Variants in UBE2D2 observed in about 807,000 individuals in gnomAD.
The protein encoded by UBE2D2 is ubiquitin-conjugating enzyme E2 D2.
In UBE2D2, 2 loss-of-function variants were observed where a neutral mutation model predicts 24.2. That is an observed-to-expected ratio of 0.08 (90% CI 0.03 to 0.26). The LOEUF is 0.26. Among genes scored for constraint, UBE2D2 ranks in the 10% least tolerant of loss-of-function variants. The pLI is 1.00. For missense variants in UBE2D2, 44 were observed against 177.6 expected, an observed-to-expected ratio of 0.25 and a Z score of 4.28; for synonymous variants, 58 against 56.5, an observed-to-expected ratio of 1.03 and a Z score of -0.12.
upstream of UBE2D2, among the ~76,000 whole-genome samples, chr5:139,559,261 C>G (rs1033256918): frequency 1.3e-5 from 2 of 152,064 alleles, no homozygotes; most frequent in African/African-American, 4.8e-5. Context: ...CCCGTTTCTA[C>G]TAAAAATACA....
At chr5:139,582,266 ATT>A (rs112910161) in intron 1 of UBE2D2, among the ~76,000 whole-genome samples, 5 of 139,490 alleles carry the variant, frequency 3.6e-5, no homozygotes, top group Non-Finnish European at 6.3e-5. Flanking sequence ...GCCTTACACA[ATT>A]TTTTTTTTTT....
At chr5:139,602,088 G>A (rs147864453) in intron 2 of UBE2D2, among the ~76,000 whole-genome samples, 2,125 of 152,136 alleles carry the variant, frequency 0.014, 27 homozygotes, top group Middle Eastern at 0.054. Context: ...GTCTCACTCT[G>A]TTGCCCGTGC....
chr5:139,622,717 C>T (rs557460677), intron 5 of UBE2D2, among the ~76,000 whole-genome samples: 2 of 142,344 alleles, frequency 1.4e-5, no homozygotes, highest in South Asian at 2.3e-4. Flanking sequence ...GTGAAACCCC[C>T]GTCTCTACTA....
upstream of UBE2D2, among the ~76,000 whole-genome samples, chr5:139,558,489 C>T (rs557542468): frequency 6.6e-6 from 1 of 152,114 alleles, no homozygotes; most frequent in Admixed American, 6.5e-5. Flanking sequence ...GGGGTTTCAC[C>T]GTGTTAGCCT....
rs1306813620 is a variant in UBE2D2, at chr5:139,561,568, C to T, written c.-224C>T. ...GCGGCGGTGGCGGCTAGGGCGGCGG[C>T]GAATAAAGGGGCCGCCGCCGGGTGA... On this transcript the variant is annotated 5_prime_UTR_variant, in exon 1 of 7. Coordinates refer to ENST00000398733, the MANE Select transcript of UBE2D2 (RefSeq NM_003339.3). 7.1e-6 allele frequency: 3 copies of T among 421,822 alleles called. No individual in the cohort carries two copies. The highest frequency in any genetic ancestry group is 4.1e-5 in the African/African-American group (2 of 48,516). The allele number at this position is 421,822 out of a possible 1,614,324, so 26.1% of individuals were successfully genotyped here.
At chr5:139,538,446 G>T (rs571159218) in intron 1 of UBE2D2, among the ~76,000 whole-genome samples, 15 of 152,264 alleles carry the variant, frequency 9.9e-5, no homozygotes, top group East Asian at 5.8e-4. Flanking sequence ...AAAAAGGAAA[G>T]AAATTCTACA....
intron 1 of UBE2D2, among the ~76,000 whole-genome samples, chr5:139,579,106 T>C: frequency 6.6e-6 from 1 of 152,274 alleles, no homozygotes; most frequent in East Asian, 1.9e-4. Context: ...TAGCTTGAAT[T>C]ACAGGTGTGT....
intron 1 of UBE2D2, among the ~76,000 whole-genome samples, chr5:139,532,516 T>A (rs1752609915): frequency 6.6e-6 from 1 of 152,068 alleles, no homozygotes; most frequent in Non-Finnish European, 1.5e-5. Context: ...CACACCCGGC[T>A]AATTTTTTGT....
intron 1 of UBE2D2, among the ~76,000 whole-genome samples, chr5:139,546,817 T>TCTTTCTTTCTTTCTTTCTTC (rs1203962652): frequency 1.6e-4 from 22 of 138,408 alleles, no homozygotes; most frequent in Non-Finnish European, 2.3e-4. Flanking sequence ...CTTCTTTCTT[T>TCTTTCTTTCTTTCTTTCTTC]CTTCCTTCCT....
At chr5:139,555,372 C>T (rs1355944154) in intron 1 of UBE2D2, among the ~76,000 whole-genome samples, 1 of 151,566 alleles carries the variant, frequency 6.6e-6, no homozygotes, top group Non-Finnish European at 1.5e-5. Flanking sequence ...TTAATGAATT[C>T]CAAATAATTT....
In UBE2D2 at chr5:139,570,806, G is replaced by A. The variant is rs1753339000; in HGVS notation, c.24+8991G>A. ...GACCTCAAGTGATCCACCTGCCTTGGCCTCCCAAAGTGTTGGGATTACAGG... is the reference window on the plus strand; with the variant it reads ...GACCTCAAGTGATCCACCTGCCTTGACCTCCCAAAGTGTTGGGATTACAGG... On this transcript the variant is annotated intron_variant, in intron 1 of 6. Transcript: ENST00000398733. Among the ~76,000 whole-genome samples, 3 of 152,158 alleles carry A rather than the reference G, an allele frequency of 2.0e-5. No individual in the cohort carries two copies. In the South Asian group the frequency reaches 6.2e-4, roughly 32 times the overall value.
intron 1 of UBE2D2, among the ~76,000 whole-genome samples, chr5:139,563,252 CAA>C (rs1221653271): frequency 6.6e-6 from 1 of 152,120 alleles, no homozygotes; most frequent in Non-Finnish European, 1.5e-5. Flanking sequence ...CATTTTTGCT[CAA>C]AGACAGTGTG....
intron 5 of UBE2D2, among the ~76,000 whole-genome samples, chr5:139,621,211 C>T (rs925319320): frequency 6.6e-6 from 1 of 152,186 alleles, no homozygotes; most frequent in Non-Finnish European, 1.5e-5. Context: ...CCACTGCACT[C>T]CAGCCTGGGC....
chr5:139,577,811 C>G (rs1753511787), intron 1 of UBE2D2, among the ~76,000 whole-genome samples: 2 of 152,150 alleles, frequency 1.3e-5, no homozygotes. Context: ...ATTCATCTCC[C>G]CCCACCACCA....
At chr5:139,622,966 G>A (rs987613541) in intron 5 of UBE2D2, among the ~76,000 whole-genome samples, 3 of 152,088 alleles carry the variant, frequency 2.0e-5, no homozygotes, top group African/African-American at 7.2e-5. Flanking sequence ...CACTTTGGGA[G>A]GCCGAGGCGG....
Position 139,615,814 on chromosome 5 carries a change from G to A in UBE2D2, c.304+848G>A, listed in dbSNP as rs1278767410. ...TATTCCCAGATGAAATCACAGTTGC[G>A]TTACAATAATCTAGATTTTTTTTTT... On this transcript the variant is annotated intron_variant, in intron 5 of 6. Transcript: ENST00000398733. Among the ~76,000 whole-genome samples the A allele has an allele frequency of 4.8e-5, 7 of 146,960 alleles. No homozygotes were observed. In the East Asian group the frequency reaches 9.9e-4, roughly 21 times the overall value.
At chr5:139,607,033 T>G (rs957762321) in intron 2 of UBE2D2, among the ~76,000 whole-genome samples, 11 of 152,192 alleles carry the variant, frequency 7.2e-5, no homozygotes, top group African/African-American at 2.7e-4. Context: ...CTTGAACTCC[T>G]GACCTCGTGA....
At chr5:139,581,099 A>G (rs1753594162) in intron 1 of UBE2D2, among the ~76,000 whole-genome samples, 1 of 152,160 alleles carries the variant, frequency 6.6e-6, no homozygotes, top group South Asian at 2.1e-4. Flanking sequence ...GATGGGAAGA[A>G]TATTCTAGGC....
At chr5:139,541,834 T>C (rs1752766011) in intron 1 of UBE2D2, among the ~76,000 whole-genome samples, 1 of 151,664 alleles carries the variant, frequency 6.6e-6, no homozygotes, top group South Asian at 2.1e-4. Flanking sequence ...GGCGGATCAC[T>C]GGAGTTCAGG....
Sources: allele counts gnomAD v4.1 joint callset (sites outside exome capture counted in the v4.1 genomes callset), GRCh38; gene constraint gnomAD v4.1.1; transcripts MANE v1.5; gene names NCBI Gene and HGNC (gene_info 2026-07-23, HGNC 2026-07-21).